The following GNAI1 variants were observed in gnomAD, a reference collection of about 807,000 sequenced individuals.
GNAI1 encodes the protein G protein subunit alpha i1, also known as guanine nucleotide-binding protein G(i) subunit alpha-1.
Under a neutral mutation model 38.9 loss-of-function variants are expected in GNAI1, and 11 were observed. The ratio of observed to expected loss-of-function variants is 0.28; its 90% CI spans 0.18 to 0.47. The LOEUF (loss-of-function observed/expected upper bound fraction) is 0.47, where lower values mean the gene tolerates loss of function less well. GNAI1 is among the 20% of genes least tolerant of loss of function. The pLI, the probability that GNAI1 is intolerant of heterozygous loss-of-function variation, is 0.99. For synonymous variants in GNAI1, 166 were observed against 145.1 expected, an observed-to-expected ratio of 1.14 and a Z score of -1.04; for missense variants, 317 against 436.9, an observed-to-expected ratio of 0.73 and a Z score of 2.45.
intron 1 of GNAI1, among the ~76,000 whole-genome samples, chr7:80,185,584 C>T (rs1335885669): frequency 6.6e-6 from 1 of 152,166 alleles, no homozygotes; most frequent in Non-Finnish European, 1.5e-5. Flanking sequence ...CCAAACTCCT[C>T]AGGCAGATAG....
intron 1 of GNAI1, among the ~76,000 whole-genome samples, chr7:80,180,867 G>A (rs1788282205): frequency 6.6e-6 from 1 of 152,052 alleles, no homozygotes; most frequent in Non-Finnish European, 1.5e-5. Context: ...GTACTGTCAG[G>A]CCTCTCATGT....
chr7:80,159,987 T>TG (rs1787892668), intron 1 of GNAI1, among the ~76,000 whole-genome samples: 2 of 152,192 alleles, frequency 1.3e-5, no homozygotes. Flanking sequence ...TTGACCTCTC[T>TG]GAGTTGGTTG....
At chr7:80,152,545 T>G (rs546729108) in intron 1 of GNAI1, among the ~76,000 whole-genome samples, 7 of 151,090 alleles carry the variant, frequency 4.6e-5, no homozygotes, top group African/African-American at 1.7e-4. Flanking sequence ...TGGGGGTAGA[T>G]TCGGTCTCAA....
intron 3 of GNAI1, among the ~76,000 whole-genome samples, chr7:80,198,633 A>G (rs536156470): frequency 1.3e-5 from 2 of 152,166 alleles, no homozygotes; most frequent in South Asian, 2.1e-4. Context: ...CCTGCTCCCA[A>G]CTTCTGCCCC....
At chr7:80,201,468 C>CA (rs1788685480) in intron 4 of GNAI1, among the ~76,000 whole-genome samples, 1 of 152,118 alleles carries the variant, frequency 6.6e-6, no homozygotes, top group African/African-American at 2.4e-5. Context: ...TTTGTAATCC[C>CA]AGCATTTTGG....
chr7:80,160,144 T>A (rs1787896425), intron 1 of GNAI1, among the ~76,000 whole-genome samples: 1 of 151,874 alleles, frequency 6.6e-6, no homozygotes, highest in East Asian at 1.9e-4. Flanking sequence ...ACATCAACAC[T>A]CTACAAGTGA....
At chr7:80,174,528 C>A (rs1483925052) in intron 1 of GNAI1, among the ~76,000 whole-genome samples, 1 of 150,052 alleles carries the variant, frequency 6.7e-6, no homozygotes, top group South Asian at 2.1e-4. Context: ...TAGTTTGATA[C>A]TCATTAATTA....
At chr7:80,174,454 TG>T (rs753208113) in intron 1 of GNAI1, among the ~76,000 whole-genome samples, 1,776 of 149,636 alleles carry the variant, frequency 0.012, 18 homozygotes, top group East Asian at 0.044. Flanking sequence ...TATCTTCTGC[TG>T]TTTTTTTTTT....
chr7:80,135,677 C>CCCCCCCG, intron 1 of GNAI1: 1 of 390,922 alleles, frequency 2.6e-6, no homozygotes, highest in Non-Finnish European at 3.5e-6. Flanking sequence ...CAACCCCCTC[C>CCCCCCCG]CGGAAAACCC....
chr7:80,185,733 G>T (rs930777684), intron 1 of GNAI1, among the ~76,000 whole-genome samples: 1 of 151,876 alleles, frequency 6.6e-6, no homozygotes, highest in African/African-American at 2.4e-5. Flanking sequence ...CAGCCTCCCA[G>T]AAGTGACTGT....
intron 1 of GNAI1, among the ~76,000 whole-genome samples, chr7:80,183,465 T>G (rs999336267): frequency 1.3e-5 from 2 of 152,170 alleles, no homozygotes; most frequent in Non-Finnish European, 2.9e-5. Flanking sequence ...AAATTAAGAT[T>G]TCTTAAAAGG....
At chr7:80,189,276 A>C in intron 3 of GNAI1, 45 bp downstream of exon 3, 1 of 1,523,388 alleles carries the variant, frequency 6.6e-7, no homozygotes, top group Middle Eastern at 1.7e-4. Flanking sequence ...GGTAAAAAGA[A>C]TAACTTGTAT....
rs1789047087 is a variant in GNAI1 at position 80,220,209 on chromosome 7, C to G, written c.*2716C>G. On this transcript the variant is annotated 3_prime_UTR_variant, in exon 8 of 8. Coordinates refer to ENST00000649796, the MANE Select transcript of GNAI1 (RefSeq NM_002069.6). Reference sequence around the variant, plus strand: ...TATCCAAATAGTGTCCTGTGCATAACCTGGGCTTTCCTCCAAGTACTGTAT... The same window carrying G: ...TATCCAAATAGTGTCCTGTGCATAAGCTGGGCTTTCCTCCAAGTACTGTAT... 1.4e-5 allele frequency among the ~76,000 whole-genome samples: 2 copies of G among 147,780 alleles called. No individual in the cohort carries two copies. The highest frequency in any genetic ancestry group is 5.2e-5 in the African/African-American group (2 of 38,144).
intron 3 of GNAI1, among the ~76,000 whole-genome samples, chr7:80,196,373 C>A (rs1189960558): frequency 6.6e-6 from 1 of 152,026 alleles, no homozygotes; most frequent in Admixed American, 6.6e-5. Context: ...ACCCTCCTTA[C>A]CAAACTCCAG....
At chr7:80,214,328 T>A (rs555161694) in intron 7 of GNAI1, among the ~76,000 whole-genome samples, 43 of 152,276 alleles carry the variant, frequency 2.8e-4, no homozygotes, top group African/African-American at 9.4e-4. Flanking sequence ...GATGGCTTAA[T>A]TTTTCCCTTA....
chr7:80,146,597 C>G (rs1787627949), intron 1 of GNAI1, among the ~76,000 whole-genome samples: 1 of 152,014 alleles, frequency 6.6e-6, no homozygotes, highest in African/African-American at 2.4e-5. Flanking sequence ...TTGAATCTTT[C>G]AAAATGCAGA....
chr7:80,195,222 T>C (rs1293064609), intron 3 of GNAI1, among the ~76,000 whole-genome samples: 1 of 151,862 alleles, frequency 6.6e-6, no homozygotes, highest in Non-Finnish European at 1.5e-5. Flanking sequence ...ATATAATATG[T>C]TTATTGATAA....
intron 1 of GNAI1, among the ~76,000 whole-genome samples, chr7:80,138,644 C>G (rs965914433): frequency 3.9e-5 from 6 of 152,064 alleles, no homozygotes; most frequent in Non-Finnish European, 8.8e-5. Flanking sequence ...ACTACTTGTA[C>G]TTATGAAATA....
Position 80,220,134 on chromosome 7 carries a change from C to A in GNAI1, c.*2641C>A, listed in dbSNP as rs895013933. On this transcript the variant is annotated 3_prime_UTR_variant, in exon 8 of 8. Coordinates refer to ENST00000649796, the MANE Select transcript of GNAI1 (RefSeq NM_002069.6). ...GTCAATAAAATTAAGTATAAGTTAG[C>A]CTGCCATTTAATGCTCTTCATCACC... Among the ~76,000 whole-genome samples the A allele has an allele frequency of 6.6e-6, 1 of 152,116 alleles. No homozygotes were observed. The highest frequency in any genetic ancestry group is 1.5e-5 in the Non-Finnish European group (1 of 68,014).
Sources: allele counts gnomAD v4.1 joint callset (sites outside exome capture counted in the v4.1 genomes callset), GRCh38; gene constraint gnomAD v4.1.1; transcripts MANE v1.5; gene names NCBI Gene and HGNC (gene_info 2026-07-23, HGNC 2026-07-21).